The following CERS3 variants were observed in gnomAD, a reference collection of about 807,000 sequenced individuals.
CERS3 encodes the protein ceramide synthase 3, also known as LAG1 homolog, ceramide synthase 3.
In CERS3, 33 loss-of-function variants were observed where a neutral mutation model predicts 50.3. The observed-to-expected ratio is 0.66, with a 90% CI of 0.50 to 0.88. The LOEUF (loss-of-function observed/expected upper bound fraction) is 0.88, where lower values mean the gene tolerates loss of function less well. Among genes scored for constraint, CERS3 ranks in the 40% least tolerant of loss-of-function variants. The pLI, the probability that CERS3 is intolerant of heterozygous loss-of-function variation, is 0.00. For synonymous variants in CERS3, 176 were observed against 155.2 expected (o/e 1.13, Z -0.99); for missense variants, 470 against 460.3 (o/e 1.02, Z -0.19).
intron 11 of CERS3, among the ~76,000 whole-genome samples, chr15:100,424,992 G>A (rs563946348): frequency 6.6e-6 from 1 of 151,646 alleles, no homozygotes; most frequent in African/African-American, 2.4e-5. Flanking sequence ...TCCAGAGGGT[G>A]CAAGCCAAAA....
chr15:100,414,225 A>G (rs1296320646), intron 11 of CERS3, among the ~76,000 whole-genome samples: 1 of 152,174 alleles, frequency 6.6e-6, no homozygotes, highest in African/African-American at 2.4e-5. Flanking sequence ...CTAACAAGGG[A>G]TGTGAAGGCC....
chr15:100,491,018 T>C, intron 3 of CERS3, 87 bp from the exon 4 acceptor site: 2 of 776,936 alleles, frequency 2.6e-6, no homozygotes, highest in Non-Finnish European at 4.2e-6. Flanking sequence ...ACTTCAGGTT[T>C]CTAATGAAAT....
intron 11 of CERS3, among the ~76,000 whole-genome samples, chr15:100,443,771 G>C (rs187865951): frequency 6.6e-6 from 1 of 151,970 alleles, no homozygotes; most frequent in African/African-American, 2.4e-5. Context: ...GATAGTGTCC[G>C]ACTGATCTCT....
rs1249594911 is a variant in CERS3 at position 100,490,850 on chromosome 15, A to C, written c.255T>G (p.Asn85Lys). ...RKVTPNTVLE[N>K]FFKHSTRQPL... ...GTTGCCTTGTGGAATGTTTGAAAAA[A>C]TTCTCTAAGACAGTATTTGGTGTAA... is the stretch of plus-strand genomic sequence containing the variant. The change falls in exon 4 of 12, where the codon AAT becomes AAG. Residue 85 changes from asparagine to lysine, a missense_variant. Physicochemically the swap from Asn to Lys is moderately conservative, Grantham distance 94. Coordinates refer to ENST00000679737, the MANE Select transcript of CERS3 (RefSeq NM_001378789.1). 6.2e-7 allele frequency: 1 copy of C among 1,612,278 alleles called. No homozygotes were observed. The highest frequency in any genetic ancestry group is 8.5e-7 in the Non-Finnish European group (1 of 1,178,750).
chr15:100,458,226 T>C (rs759179074), intron 10 of CERS3, among the ~76,000 whole-genome samples: 4 of 152,200 alleles, frequency 2.6e-5, no homozygotes, highest in Non-Finnish European at 5.9e-5. Context: ...GGCCTTAACA[T>C]TTCCCCTATG....
At chr15:100,482,597 T>G (rs972142280) in intron 5 of CERS3, among the ~76,000 whole-genome samples, 2 of 51,854 alleles carry the variant, frequency 3.9e-5, no homozygotes, top group African/African-American at 1.0e-4. Context: ...ATGTGGAATT[T>G]GATTTTTTTT....
intron 11 of CERS3, among the ~76,000 whole-genome samples, chr15:100,414,819 TAA>T (rs143114640): frequency 7.1e-6 from 1 of 141,204 alleles, no homozygotes; most frequent in African/African-American, 2.6e-5. Flanking sequence ...CCAAAATGAT[TAA>T]AAAAAAAAAA....
chr15:100,421,259 A>T (rs1410308051), intron 11 of CERS3, among the ~76,000 whole-genome samples: 1 of 149,488 alleles, frequency 6.7e-6, no homozygotes, highest in Non-Finnish European at 1.5e-5. Context: ...ATCAATGTAC[A>T]AAAATCACAA....
chr15:100,539,813 A>G (rs745773393), intron 1 of CERS3, among the ~76,000 whole-genome samples: 41 of 152,172 alleles, frequency 2.7e-4, no homozygotes, highest in Admixed American at 5.2e-4. Context: ...ATTTCCCCTT[A>G]TCAGTTGCTT....
intron 11 of CERS3, among the ~76,000 whole-genome samples, chr15:100,454,421 T>C (rs1182448050): frequency 6.7e-6 from 1 of 148,574 alleles, no homozygotes; most frequent in Non-Finnish European, 1.5e-5. Context: ...ATGCCATTTT[T>C]CACAGAAATA....
intron 4 of CERS3, among the ~76,000 whole-genome samples, chr15:100,488,132 A>T (rs918784634): frequency 2.0e-5 from 3 of 152,202 alleles, no homozygotes; most frequent in Non-Finnish European, 4.4e-5. Context: ...AGAACTGTGC[A>T]ATATCACAGA....
chr15:100,459,888 G>A (rs1250689512), intron 10 of CERS3, among the ~76,000 whole-genome samples: 2 of 151,668 alleles, frequency 1.3e-5, no homozygotes, highest in Non-Finnish European at 2.9e-5. Context: ...TCTCTTATTG[G>A]TTATTTTACT....
intron 11 of CERS3, among the ~76,000 whole-genome samples, chr15:100,405,346 G>A (rs897292855): frequency 1.3e-5 from 2 of 151,780 alleles, no homozygotes; most frequent in African/African-American, 4.8e-5. Context: ...ATGAAAGGAT[G>A]TTCAACACCA....
chr15:100,526,625 C>T (rs1446884942), intron 1 of CERS3, among the ~76,000 whole-genome samples: 1 of 152,094 alleles, frequency 6.6e-6, no homozygotes, highest in Admixed American at 6.6e-5. Flanking sequence ...TGGCATAGGA[C>T]ATTCATTACT....
At chr15:100,435,867 GAA>G (rs1221294845) in intron 11 of CERS3, among the ~76,000 whole-genome samples, 5 of 152,160 alleles carry the variant, frequency 3.3e-5, no homozygotes, top group Non-Finnish European at 7.4e-5. Flanking sequence ...ACAAACATTT[GAA>G]AAAGAGCTCA....
intron 11 of CERS3, chr15:100,408,639 T>A (rs1418125427): frequency 1.3e-5 from 2 of 152,168 alleles, no homozygotes; most frequent in Non-Finnish European, 1.5e-5. Context: ...TCAGAAGGGA[T>A]CCCTCTGGAT....
intron 11 of CERS3, among the ~76,000 whole-genome samples, chr15:100,405,011 G>T (rs2030878088): frequency 6.6e-6 from 1 of 152,000 alleles, no homozygotes; most frequent in Non-Finnish European, 1.5e-5. Flanking sequence ...AAAACTTTTA[G>T]AAGAAAACCC....
chr15:100,423,813 C>G (rs1478331889), intron 11 of CERS3, among the ~76,000 whole-genome samples: 1 of 152,158 alleles, frequency 6.6e-6, no homozygotes, highest in Admixed American at 6.5e-5. Context: ...TGCCTGCTTC[C>G]TCTTCACCTT....
intron 2 of CERS3, among the ~76,000 whole-genome samples, chr15:100,519,322 A>G (rs1011887982): frequency 7.2e-5 from 11 of 152,156 alleles, no homozygotes; most frequent in Non-Finnish European, 2.9e-5. Flanking sequence ...CCCACCTTCC[A>G]GCAGCAGCTC....
Sources: gnomAD v4.1 joint callset for allele counts (sites outside exome capture counted in the v4.1 genomes callset) on GRCh38, gnomAD v4.1.1 for gene constraint, MANE v1.5 for transcripts, NCBI Gene and HGNC (gene_info 2026-07-23, HGNC 2026-07-21) for gene names.